HS6ST3: variants seen among roughly 807,000 people sequenced by gnomAD.
The protein encoded by HS6ST3 is heparan-sulfate 6-O-sulfotransferase 3.
HS6ST3 carries 12 observed loss-of-function variants against 36.7 expected under a neutral mutation model. The ratio of observed to expected loss-of-function variants is 0.33; its 90% CI spans 0.21 to 0.53. The LOEUF (loss-of-function observed/expected upper bound fraction) is 0.53. Among genes scored for constraint, HS6ST3 ranks in the 20% least tolerant of loss-of-function variants. The pLI is 0.95. For synonymous variants in HS6ST3, 240 were observed against 257.5 expected (o/e 0.93, Z 0.65); for missense variants, 584 against 640.9 (o/e 0.91, Z 0.96).
At chr13:96,543,732 G>A (rs1249748667) in intron 1 of HS6ST3, among the ~76,000 whole-genome samples, 2 of 152,142 alleles carry the variant, frequency 1.3e-5, no homozygotes, top group East Asian at 1.9e-4. Flanking sequence ...CTCCAGGAAA[G>A]TGTGGCTGAT....
chr13:96,684,750 G>A (rs1440861915), intron 1 of HS6ST3, among the ~76,000 whole-genome samples: 1 of 151,924 alleles, frequency 6.6e-6, no homozygotes, highest in East Asian at 1.9e-4. Context: ...GCAGCTCCAT[G>A]ACATAAAATA....
chr13:96,140,276 C>T (rs1399600266), intron 1 of HS6ST3, among the ~76,000 whole-genome samples: 1 of 152,098 alleles, frequency 6.6e-6, no homozygotes, highest in African/African-American at 2.4e-5. Flanking sequence ...TATTGTATTA[C>T]TGTAATAATT....
In HS6ST3 at chr13:96,364,267, A is replaced by T. The variant is rs562173723; in HGVS notation, c.707+272698A>T. ...CATAGAACTAGCATGTGATCTGGCA[A>T]ATTCAGGGACTCAAACAGATACTTG... On this transcript the variant is annotated intron_variant, in intron 1 of 1. Transcript: ENST00000376705. Among the ~76,000 whole-genome samples the T allele has an allele frequency of 1.3e-4, 20 of 152,248 alleles. 1 individual carries two copies. The South Asian group carries it at 4.1e-3, about 32-fold the overall frequency.
At chr13:96,392,552 A>C (rs1417538521) in intron 1 of HS6ST3, among the ~76,000 whole-genome samples, 1 of 152,234 alleles carries the variant, frequency 6.6e-6, no homozygotes, top group Non-Finnish European at 1.5e-5. Flanking sequence ...AAAAAGTGAC[A>C]CATGATCTGA....
chr13:96,432,876 C>A (rs1392586811), intron 1 of HS6ST3, among the ~76,000 whole-genome samples: 1 of 152,098 alleles, frequency 6.6e-6, no homozygotes. Flanking sequence ...ACCAATAAAA[C>A]CATAAAGACA....
intron 1 of HS6ST3, among the ~76,000 whole-genome samples, chr13:96,181,101 A>G (rs533353366): frequency 1.3e-5 from 2 of 152,170 alleles, no homozygotes; most frequent in African/African-American, 4.8e-5. Flanking sequence ...AAGTTGTTCA[A>G]TTTTACTCTG....
chr13:96,359,989 A>G (rs989219970), intron 1 of HS6ST3, among the ~76,000 whole-genome samples: 1 of 152,120 alleles, frequency 6.6e-6, no homozygotes, highest in African/African-American at 2.4e-5. Flanking sequence ...GTGAAGGTCC[A>G]TGGGGAAGTT....
intron 1 of HS6ST3, among the ~76,000 whole-genome samples, chr13:96,227,356 C>T (rs552639788): frequency 2.6e-5 from 4 of 152,234 alleles, no homozygotes; most frequent in South Asian, 2.1e-4. Context: ...AGTAGGAAGC[C>T]GATTGAGTTA....
intron 1 of HS6ST3, among the ~76,000 whole-genome samples, chr13:96,223,400 G>A (rs1246566234): frequency 6.6e-6 from 1 of 152,214 alleles, no homozygotes; most frequent in Non-Finnish European, 1.5e-5. Flanking sequence ...TTGTTCCAAT[G>A]CCCTTTGCAA....
intron 1 of HS6ST3, among the ~76,000 whole-genome samples, chr13:96,809,847 A>C (rs1407050684): frequency 1.3e-5 from 2 of 152,180 alleles, no homozygotes; most frequent in African/African-American, 4.8e-5. Flanking sequence ...AAAGGTGAAG[A>C]TAATGACACC....
intron 1 of HS6ST3, among the ~76,000 whole-genome samples, chr13:96,134,443 G>T (rs1349087308): frequency 6.7e-6 from 1 of 149,816 alleles, no homozygotes; most frequent in Non-Finnish European, 1.5e-5. Context: ...TTTTTATTTT[G>T]CTCTTTTTCT....
intron 1 of HS6ST3, among the ~76,000 whole-genome samples, chr13:96,167,356 CAG>C (rs1318950177): frequency 4.6e-5 from 7 of 152,094 alleles, no homozygotes; most frequent in African/African-American, 1.7e-4. Flanking sequence ...TCCCCTCTGC[CAG>C]AGTTATTTCT....
At chr13:96,151,532 G>A (rs2054085225) in intron 1 of HS6ST3, among the ~76,000 whole-genome samples, 1 of 152,138 alleles carries the variant, frequency 6.6e-6, no homozygotes, top group Non-Finnish European at 1.5e-5. Flanking sequence ...TTATCTTTTG[G>A]TGGAGAGATT....
chr13:96,494,945 T>C (rs1284104174), intron 1 of HS6ST3, among the ~76,000 whole-genome samples: 1 of 152,208 alleles, frequency 6.6e-6, no homozygotes, highest in East Asian at 1.9e-4. Context: ...GTTTTTGCCC[T>C]TGGGACAAAT....
intron 1 of HS6ST3, among the ~76,000 whole-genome samples, chr13:96,639,148 A>G (rs547200365): frequency 3.3e-5 from 5 of 152,040 alleles, no homozygotes; most frequent in African/African-American, 1.2e-4. Context: ...CTCAACTATT[A>G]TTGTTAGAAT....
At chr13:96,547,446 G>A (rs1384924598) in intron 1 of HS6ST3, among the ~76,000 whole-genome samples, 1 of 151,976 alleles carries the variant, frequency 6.6e-6, no homozygotes, top group Non-Finnish European at 1.5e-5. Flanking sequence ...TCTTTCATTA[G>A]TGTTAAATGA....
At chr13:96,799,446 C>T (rs558393049) in intron 1 of HS6ST3, among the ~76,000 whole-genome samples, 42 of 152,168 alleles carry the variant, frequency 2.8e-4, no homozygotes, top group African/African-American at 9.9e-4. Context: ...GAATACTATG[C>T]AGCCATAAAA....
intron 1 of HS6ST3, among the ~76,000 whole-genome samples, chr13:96,729,919 C>G (rs1034111223): frequency 6.6e-6 from 1 of 152,170 alleles, no homozygotes; most frequent in African/African-American, 2.4e-5. Context: ...ACACTTTGCT[C>G]TCTTTGGATT....
intron 1 of HS6ST3, among the ~76,000 whole-genome samples, chr13:96,307,741 A>G (rs1232722698): frequency 2.0e-5 from 3 of 152,046 alleles, no homozygotes; most frequent in Admixed American, 6.5e-5. Flanking sequence ...ACAAATTCCT[A>G]TTTCATATAC....
Sources: allele counts gnomAD v4.1 joint callset (sites outside exome capture counted in the v4.1 genomes callset), GRCh38; gene constraint gnomAD v4.1.1; transcripts MANE v1.5; gene names NCBI Gene and HGNC (gene_info 2026-07-23, HGNC 2026-07-21).